GPR89A: variants seen among roughly 807,000 people sequenced by gnomAD.
GPR89A encodes the protein G protein-coupled receptor 89A.
In GPR89A, 16 loss-of-function variants were observed where a neutral mutation model predicts 52.0. The observed-to-expected ratio is 0.31, with a 90% CI of 0.21 to 0.47. GPR89A has a LOEUF of 0.47. Among genes scored for constraint, GPR89A ranks in the 20% least tolerant of loss-of-function variants. The pLI is 1.00. For missense variants in GPR89A, 135 were observed against 449.4 expected, an observed-to-expected ratio of 0.30 and a Z score of 6.33; for synonymous variants, 55 against 150.9, an observed-to-expected ratio of 0.36 and a Z score of 4.66.
At chr1:145,635,704 C>T (rs1173818718) in intron 7 of GPR89A, among the ~76,000 whole-genome samples, 2 of 152,070 alleles carry the variant, frequency 1.3e-5, no homozygotes, top group Non-Finnish European at 1.5e-5. Flanking sequence ...AAGTCATGAC[C>T]GGGTACTCAT....
chr1:145,660,877 C>T (rs1652146293), intron 10 of GPR89A, among the ~76,000 whole-genome samples: 2 of 151,646 alleles, frequency 1.3e-5, no homozygotes, highest in South Asian at 4.2e-4. Flanking sequence ...ACTAGTTCAA[C>T]CCTTGTGGAA....
intron 11 of GPR89A, among the ~76,000 whole-genome samples, chr1:145,664,156 C>G (rs1341085618): frequency 5.3e-5 from 8 of 151,228 alleles, no homozygotes; most frequent in Admixed American, 2.0e-4. Context: ...GCGTGCTACC[C>G]CCAGCCATCC....
intron 10 of GPR89A, among the ~76,000 whole-genome samples, chr1:145,647,877 CTCTATATATATATATA>C (rs1651153400): frequency 4.9e-5 from 2 of 40,800 alleles, no homozygotes; most frequent in Non-Finnish European, 4.4e-5. Context: ...CTCTCTCTCT[CTCTATATATATATATA>C]TATATATATA....
At chr1:145,617,464 G>A (rs1168100049) in intron 2 of GPR89A, among the ~76,000 whole-genome samples, 1 of 151,718 alleles carries the variant, frequency 6.6e-6, no homozygotes, top group Non-Finnish European at 1.5e-5. Context: ...TACATCCTCA[G>A]TTTACAAAGA....
At chr1:145,633,951 A>C (rs1462655965) in intron 7 of GPR89A, among the ~76,000 whole-genome samples, 2 of 151,652 alleles carry the variant, frequency 1.3e-5, no homozygotes, top group African/African-American at 2.4e-5. Flanking sequence ...GGGAAGAAAG[A>C]CCTGGACACT....
intron 1 of GPR89A, among the ~76,000 whole-genome samples, chr1:145,614,121 A>G (rs1393777120): frequency 1.3e-5 from 2 of 152,078 alleles, no homozygotes; most frequent in African/African-American, 4.8e-5. Context: ...TTTTTATGTT[A>G]GGGGTGGTGG....
chr1:145,626,065 A>G (rs1392461600), intron 5 of GPR89A, among the ~76,000 whole-genome samples: 1 of 150,610 alleles, frequency 6.6e-6, no homozygotes, highest in Non-Finnish European at 1.5e-5. Flanking sequence ...TGTGATCAGC[A>G]TGCCTATGTC....
intron 8 of GPR89A, 75 bp downstream of exon 8, chr1:145,644,053 A>T (rs1650829827): frequency 8.1e-6 from 1 of 122,708 alleles, no homozygotes; most frequent in East Asian, 1.6e-4. Flanking sequence ...TAGTGTTGGG[A>T]TAGTCCCTTC....
chr1:145,627,000 T>A (rs1471631), intron 5 of GPR89A, among the ~76,000 whole-genome samples: 5,523 of 151,562 alleles, frequency 0.036, 328 homozygotes, highest in African/African-American at 0.13. Flanking sequence ...GAAAAAAAGA[T>A]AATCTGTAAA....
At chr1:145,628,148 T>C (rs1465022511) in intron 5 of GPR89A, among the ~76,000 whole-genome samples, 4 of 151,452 alleles carry the variant, frequency 2.6e-5, no homozygotes, top group East Asian at 1.9e-4. Context: ...TCAGTCCTCA[T>C]AGAGATGACT....
At chr1:145,616,322 C>G in intron 2 of GPR89A, 29 bp downstream of exon 2, 1 of 1,580,854 alleles carries the variant, frequency 6.3e-7, no homozygotes, top group Non-Finnish European at 8.6e-7. Flanking sequence ...GTCATACTTA[C>G]ACTATATGAT....
rs587703147 is a variant in GPR89A, at chr1:145,663,385, C to T, written c.966C>T (p.Gly322=). The T allele has an allele frequency of 5.5e-5, 88 of 1,610,714 alleles. 1 individual carries two copies. The South Asian group carries it at 9.4e-4, about 17-fold the overall frequency. The change falls in exon 11 of 14, where the codon GGC becomes GGT. Residue 322 remains glycine (G), a synonymous_variant. Coordinates refer to ENST00000313835, the MANE Select transcript of GPR89A (RefSeq NM_001097612.2). ...RVGKTDPVTR[G]IEITVNYLGI... The stretch of plus-strand genomic sequence containing the variant: ...GGAAAACGGATCCTGTCACAAGAGG[C>T]ATTGAGATCACTGTGAATTATCTGG...
intron 5 of GPR89A, among the ~76,000 whole-genome samples, chr1:145,625,136 C>T (rs1649404244): frequency 6.6e-6 from 1 of 151,986 alleles, no homozygotes; most frequent in Non-Finnish European, 1.5e-5. Flanking sequence ...TTTTGAAAAG[C>T]ATATGCAATA....
In GPR89A at chr1:145,669,478, C is replaced by A. The variant is rs587694183; in HGVS notation, c.1096-147C>A. ...TTCAGCAGTCTATTTTAAGTCTCTT[C>A]TTTATAGTCTTAATCATATGAATTG... is the stretch of plus-strand genomic sequence containing the variant. On this transcript the variant is annotated intron_variant, in intron 12 of 13. Transcript: ENST00000313835. 104 of 665,832 alleles carry A rather than the reference C, an allele frequency of 1.6e-4. 2 individuals are homozygous for A. In the South Asian group the frequency reaches 1.7e-3, roughly 11 times the overall value. The allele number at this position is 665,832 out of a possible 1,614,324, so 41.2% of individuals were successfully genotyped here.
chr1:145,616,254 G>A lies in GPR89A; in HGVS notation c.63G>A (p.Gly21=), dbSNP rs782449231. The change falls in exon 2 of 14, where the codon GGG becomes GGA. Residue 21 remains glycine, a synonymous_variant. Transcript: ENST00000313835. ...TCCAGATACTATTTTTTGGATTTGG[G>A]TGGCTTTTCTTCATGCGCCAATTGT... is the stretch of plus-strand genomic sequence containing the variant. ...ITSQILFFGF[G]WLFFMRQLFK... 22 of 1,609,978 alleles carry A rather than the reference G, an allele frequency of 1.4e-5. No homozygotes were observed. In the South Asian group the frequency reaches 2.1e-4, roughly 15 times the overall value.
At chr1:145,647,752 C>CTAAGA (rs1651105047) in intron 10 of GPR89A, among the ~76,000 whole-genome samples, 1 of 139,706 alleles carries the variant, frequency 7.2e-6, no homozygotes, top group Non-Finnish European at 1.5e-5. Context: ...TTGCAGTGAG[C>CTAAGA]TAAGATCACG....
intron 10 of GPR89A, among the ~76,000 whole-genome samples, chr1:145,659,956 T>G (rs1175285722): frequency 2.0e-5 from 3 of 151,352 alleles, no homozygotes; most frequent in Non-Finnish European, 4.4e-5. Flanking sequence ...TTGAGCAGTG[T>G]TTTGTAGTTC....
chr1:145,662,587 A>C (rs1195303267), intron 10 of GPR89A, among the ~76,000 whole-genome samples: 1 of 152,048 alleles, frequency 6.6e-6, no homozygotes, highest in African/African-American at 2.4e-5. Flanking sequence ...AAGGATCAGC[A>C]ATCTATAGCC....
At chr1:145,614,712 A>G (rs755364609) in intron 1 of GPR89A, among the ~76,000 whole-genome samples, 332 of 152,324 alleles carry the variant, frequency 2.2e-3, no homozygotes, top group Non-Finnish European at 1.7e-3. Context: ...GGGAAGTACA[A>G]TGTAAAACAG....
Sources: allele counts gnomAD v4.1 joint callset (sites outside exome capture counted in the v4.1 genomes callset), GRCh38; gene constraint gnomAD v4.1.1; transcripts MANE v1.5; gene names NCBI Gene and HGNC (gene_info 2026-07-23, HGNC 2026-07-21).